The following TUBGCP5 variants were observed in gnomAD, a reference collection of about 807,000 sequenced individuals.
The protein encoded by TUBGCP5 is gamma-tubulin complex component 5.
Under a neutral mutation model 134.7 loss-of-function variants are expected in TUBGCP5, and 98 were observed. The ratio of observed to expected loss-of-function variants is 0.73; its 90% CI spans 0.62 to 0.86. TUBGCP5 has a LOEUF of 0.86. TUBGCP5 is among the 40% of genes least tolerant of loss of function. TUBGCP5 has a pLI of 0.00. For synonymous variants in TUBGCP5, 456 were observed against 431.4 expected (o/e 1.06, Z -0.71); for missense variants, 1,150 against 1,244.8 (o/e 0.92, Z 1.15).
intron 23 of TUBGCP5, among the ~76,000 whole-genome samples, chr15:22,987,673 G>T (rs1355226475): frequency 1.3e-5 from 2 of 151,490 alleles, no homozygotes; most frequent in African/African-American, 2.4e-5. Context: ...GAGGTGGGTG[G>T]ATCATGAGGT....
chr15:22,995,686 T>C (rs767619942), downstream of TUBGCP5, among the ~76,000 whole-genome samples: 5 of 152,030 alleles, frequency 3.3e-5, no homozygotes, highest in Non-Finnish European at 7.4e-5. Context: ...AGCCCCACAC[T>C]TGATACAATT....
intron 22 of TUBGCP5, among the ~76,000 whole-genome samples, chr15:23,000,092 GCAGAGACAGGGTTTTGC>G: frequency 6.6e-6 from 1 of 152,120 alleles, no homozygotes; most frequent in Admixed American, 6.6e-5. Flanking sequence ...TGTATTTTTA[GCAGAGACAGGGTTTTGC>G]CATGTAGGCC....
rs957934071 is a variant in TUBGCP5 at position 23,013,808 on chromosome 15, T to C, written c.1757-2477A>G. Among the ~76,000 whole-genome samples the C allele has an allele frequency of 6.6e-6, 1 of 152,150 alleles. No homozygotes were observed. The highest frequency in any genetic ancestry group is 2.4e-5 in the African/African-American group (1 of 41,436). ...CCCTTTGAGCCAAGCTGTTGCAGCA[T>C]GGCACCATCTTCAGACCAGAGCCAC... On this transcript the variant is annotated intron_variant, in intron 13 of 22. Coordinates refer to ENST00000615383, the MANE Select transcript of TUBGCP5 (RefSeq NM_052903.6). This position sits in a 1 kb window ranked among gnomAD's most constrained non-coding sequence, Gnocchi z 4.5.
intron 13 of TUBGCP5, among the ~76,000 whole-genome samples, chr15:23,012,986 C>T (rs760900185): frequency 6.6e-6 from 1 of 152,034 alleles, no homozygotes; most frequent in African/African-American, 2.4e-5. Flanking sequence ...TCTATAGTCC[C>T]AGCTACTTGG....
rs1171627899 is a variant in TUBGCP5 at position 23,036,942 on chromosome 15, C to T, written c.264G>A (p.Thr88=). Residue 88 remains threonine (T), a synonymous_variant, in exon 3 of 23, where the codon ACG becomes ACA. Coordinates refer to ENST00000615383, the MANE Select transcript of TUBGCP5 (RefSeq NM_052903.6). ...GAAGTGGTGCATTTAGAAATTCCTC[C>T]GTTAATCTCTTCCAACTAGCAGCTT... The part of the protein sequence containing the change: ...LSKAASWKRL[T]EEFLNAPLPS... The T allele has an allele frequency of 3.1e-6, 5 of 1,612,600 alleles. No individual in the cohort carries two copies. The Admixed American group carries it at 6.7e-5, about 22-fold the overall frequency.
At chr15:22,986,521 G>T (rs145948769) in intron 23 of TUBGCP5, among the ~76,000 whole-genome samples, 1 of 152,076 alleles carries the variant, frequency 6.6e-6, no homozygotes, top group African/African-American at 2.4e-5. Flanking sequence ...TGGATCACTC[G>T]AGGTCAGGAG....
chr15:23,000,313 C>A (rs976230622), intron 22 of TUBGCP5: 1 of 1,273,950 alleles, frequency 7.8e-7, no homozygotes, highest in African/African-American at 1.5e-5. Context: ...ATTCTGCCAT[C>A]AACTTTATTT....
chr15:23,006,103 A>C lies in TUBGCP5; in HGVS notation c.2482T>G (p.Leu828Val). The change falls in exon 18 of 23, where the codon TTA becomes GTA. Residue 828 changes from leucine to valine, a missense_variant. Physicochemically the swap from Leu to Val is conservative, Grantham distance 32. Transcript: ENST00000615383. ...QKIYNQVFLL[L>V]LQIKWAKYSL... ...TATTTTGCCCACTTTATTTGCAATA[A>C]GAGAAGAAACACTTGATTATAAATT... 1 of 1,612,574 alleles carries C rather than the reference A, an allele frequency of 6.2e-7. No homozygotes were observed. The highest frequency in any genetic ancestry group is 8.5e-7 in the Non-Finnish European group (1 of 1,179,680).
At chr15:23,021,917 T>C (rs1236745376) in intron 11 of TUBGCP5, 42 bp downstream of exon 11, 1 of 1,574,184 alleles carries the variant, frequency 6.4e-7, no homozygotes, top group Non-Finnish European at 8.7e-7. Flanking sequence ...TCCTCTGCTG[T>C]GCAGCATGGA....
chr15:23,026,751 G>T (rs1357447001), intron 7 of TUBGCP5, among the ~76,000 whole-genome samples: 2 of 151,978 alleles, frequency 1.3e-5, no homozygotes, highest in African/African-American at 4.8e-5. Flanking sequence ...TGGCCAACAT[G>T]GTAAAACCCC....
chr15:23,020,619 T>C (rs929719698), intron 11 of TUBGCP5, among the ~76,000 whole-genome samples: 1 of 135,742 alleles, frequency 7.4e-6, no homozygotes, highest in African/African-American at 2.7e-5. Flanking sequence ...AAAAAAGAAA[T>C]ATGGTATTAA....
intron 6 of TUBGCP5, among the ~76,000 whole-genome samples, chr15:23,029,584 A>C (rs540891725): frequency 1.3e-5 from 2 of 152,234 alleles, no homozygotes; most frequent in East Asian, 3.9e-4. Context: ...AAAGTTCACA[A>C]ATAGCTAAGC....
chr15:23,032,995 T>G (rs79518447), intron 3 of TUBGCP5, among the ~76,000 whole-genome samples, 171 bp from the exon 4 acceptor site: 3 of 152,192 alleles, frequency 2.0e-5, no homozygotes, highest in Non-Finnish European at 4.4e-5. Flanking sequence ...ATAGCTCAAA[T>G]GCATACACAT....
intron 1 of TUBGCP5, among the ~76,000 whole-genome samples, chr15:23,038,346 G>A (rs1386494368): frequency 1.3e-5 from 2 of 152,056 alleles, no homozygotes; most frequent in Non-Finnish European, 2.9e-5. Flanking sequence ...AACCTCCAAC[G>A]TCTCTCCCAG....
intron 19 of TUBGCP5, 34 bp downstream of exon 19, chr15:23,005,398 C>CGATAGAACT (rs764901133): frequency 5.6e-6 from 9 of 1,607,180 alleles, no homozygotes; most frequent in Admixed American, 5.0e-5. Flanking sequence ...ATAGATACGA[C>CGATAGAACT]GATAGAACTG....
chr15:22,995,972 C>T (rs13379504), downstream of TUBGCP5, among the ~76,000 whole-genome samples: 6,966 of 152,214 alleles, frequency 0.046, 414 homozygotes, highest in African/African-American at 0.14. Context: ...GTTTTCACAG[C>T]TGAACTGCAT....
chr15:22,988,474 C>T (rs372389105), intron 23 of TUBGCP5, among the ~76,000 whole-genome samples: 1 of 151,728 alleles, frequency 6.6e-6, no homozygotes, highest in African/African-American at 2.4e-5. Context: ...TGGCTGAAGC[C>T]TGTAATCCCA....
intron 23 of TUBGCP5, among the ~76,000 whole-genome samples, chr15:22,991,103 C>CT (rs71414253): frequency 0.17 from 25,023 of 148,652 alleles, 2,541 homozygotes; most frequent in Admixed American, 0.25. Context: ...TAATAAATTA[C>CT]TTTTTTTTTT....
chr15:22,990,427 G>A (rs2063812305), intron 23 of TUBGCP5, among the ~76,000 whole-genome samples: 1 of 152,218 alleles, frequency 6.6e-6, no homozygotes, highest in Non-Finnish European at 1.5e-5. Flanking sequence ...TTTGGGATCT[G>A]TGAGCATCCA....
Sources: allele counts gnomAD v4.1 joint callset (sites outside exome capture counted in the v4.1 genomes callset), GRCh38; gene constraint gnomAD v4.1.1; non-coding constraint Gnocchi (gnomAD v3.1); transcripts MANE v1.5; gene names NCBI Gene and HGNC (gene_info 2026-07-23, HGNC 2026-07-21).